Variants in CD6 observed in about 807,000 individuals in gnomAD.
CD6 encodes the protein T-cell differentiation antigen CD6.
In CD6, 53 loss-of-function variants were observed where a neutral mutation model predicts 75.3. That is an observed-to-expected ratio of 0.70 (90% CI 0.56 to 0.88). The LOEUF is 0.88. Among genes scored for constraint, CD6 ranks in the 40% least tolerant of loss-of-function variants. The probability of loss-of-function intolerance (pLI) is 0.00; values close to 1 mark genes in which losing one functional copy is unlikely to be tolerated. For missense variants in CD6, 770 were observed against 897.1 expected (o/e 0.86, Z 1.81); for synonymous variants, 359 against 381.5 (o/e 0.94, Z 0.69).
intron 1 of CD6, among the ~76,000 whole-genome samples, chr11:60,987,732 T>C (rs1032682081): frequency 6.0e-5 from 3 of 49,630 alleles, no homozygotes; most frequent in Non-Finnish European, 1.9e-4. Context: ...CATCGATTTC[T>C]TACCCCTGAG....
chr11:60,973,145 C>T (rs1381570456), intron 1 of CD6, among the ~76,000 whole-genome samples: 2 of 152,230 alleles, frequency 1.3e-5, no homozygotes, highest in Admixed American at 6.5e-5. Flanking sequence ...TTTCCCCAAC[C>T]CAGGGCTTCA....
intron 5 of CD6, among the ~76,000 whole-genome samples, chr11:61,010,479 G>A (rs1184369882): frequency 1.3e-5 from 2 of 152,244 alleles, no homozygotes; most frequent in Non-Finnish European, 2.9e-5. Context: ...AAAAACGTGA[G>A]TGTTAGATAG....
intron 1 of CD6, among the ~76,000 whole-genome samples, chr11:61,002,221 A>G (rs1858619100): frequency 1.3e-5 from 2 of 152,192 alleles, no homozygotes; most frequent in Admixed American, 6.5e-5. Context: ...TCCCCTGTGA[A>G]TGGGCATTCA....
chr11:60,998,849 GAA>G (rs56391909), intron 1 of CD6, among the ~76,000 whole-genome samples: 50,192 of 129,340 alleles, frequency 0.39, 8,927 homozygotes, highest in Middle Eastern at 0.54. Context: ...ACACAAGGCA[GAA>G]AAAAAAAAAA....
At chr11:60,972,468 A>T (rs1590658117) in intron 1 of CD6, among the ~76,000 whole-genome samples, 2 of 152,168 alleles carry the variant, frequency 1.3e-5, no homozygotes, top group East Asian at 3.9e-4. Flanking sequence ...CATGAAGGCC[A>T]CCCCCACGTC....
rs1406024625 is a variant in CD6, at chr11:61,009,708, G to A, written c.918G>A (p.Leu306=). ...AGGCCAAGGTGCTCTGCCAGTCCTT[G>A]GGCTGTGGAACTGCGGTTGAGAGGC... ...PSEAKVLCQS[L]GCGTAVERPK... Residue 306 remains leucine, a synonymous_variant, in exon 5 of 13, where the codon TTG becomes TTA. Coordinates refer to ENST00000313421, the MANE Select transcript of CD6 (RefSeq NM_006725.5). 1.9e-5 allele frequency: 31 copies of A among 1,613,998 alleles called. No individual in the cohort carries two copies. Among genetic ancestry groups the A allele is most frequent in the Non-Finnish European group, 2.5e-5 (29 of 1,180,030 alleles).
At chr11:61,004,741 G>A (rs1227017482) in intron 1 of CD6, 1 of 152,284 alleles carries the variant, frequency 6.6e-6, no homozygotes, top group Non-Finnish European at 1.5e-5. Context: ...AAATCTTCAT[G>A]GTTTAACATG....
chr11:61,005,126 C>T (rs1009207485), intron 1 of CD6, among the ~76,000 whole-genome samples: 1 of 152,166 alleles, frequency 6.6e-6, no homozygotes, highest in East Asian at 1.9e-4. Flanking sequence ...CTCAGGCCCA[C>T]GCATCAGTTG....
At chr11:61,012,570 C>A (rs1859203129) in intron 6 of CD6, among the ~76,000 whole-genome samples, 2 of 152,176 alleles carry the variant, frequency 1.3e-5, no homozygotes, top group Admixed American at 1.3e-4. Flanking sequence ...CTGCCCCCAG[C>A]AAAGAGGTCT....
At chr11:61,005,279 G>A (rs1341484294) in intron 1 of CD6, among the ~76,000 whole-genome samples, 2 of 152,238 alleles carry the variant, frequency 1.3e-5, no homozygotes, top group African/African-American at 2.4e-5. Context: ...CAGTGAGTCC[G>A]AGTAGGAGAC....
At chr11:60,995,526 A>G (rs1050545825) in intron 1 of CD6, among the ~76,000 whole-genome samples, 7 of 152,178 alleles carry the variant, frequency 4.6e-5, no homozygotes, top group African/African-American at 1.4e-4. Flanking sequence ...TAACAATACC[A>G]AGGGCATTTC....
intron 1 of CD6, among the ~76,000 whole-genome samples, chr11:60,993,801 G>A (rs1411602381): frequency 6.6e-6 from 1 of 151,976 alleles, no homozygotes; most frequent in Non-Finnish European, 1.5e-5. Context: ...TATCATACCT[G>A]CCCCAGTTCC....
At position 61,012,827 on chromosome 11, in the gene CD6, G is replaced by T. The variant is rs545722159; in HGVS notation, c.1151-596G>T. 1.2e-3 allele frequency among the ~76,000 whole-genome samples: 178 copies of T among 152,320 alleles called. 1 individual carries two copies. Among genetic ancestry groups the T allele is most frequent in the African/African-American group, 3.8e-3 (157 of 41,574 alleles). ...GGAGGGGATGTCTGGTGGGAAGGAG[G>T]GGGGACTCAGGCACAGCTCTTCTGA... On this transcript the variant is annotated intron_variant, in intron 6 of 12. Coordinates refer to ENST00000313421, the MANE Select transcript of CD6 (RefSeq NM_006725.5).
Position 61,011,178 on chromosome 11 carries a change from C to CGTAT in CD6, c.1150+45_1150+46insATGT, listed in dbSNP as rs1859127875. 2.9e-5 allele frequency: 26 copies of CGTAT among 898,668 alleles called. No homozygotes were observed. In the South Asian group the frequency reaches 3.5e-4, roughly 12 times the overall value. The allele number at this position is 898,668 out of a possible 1,614,324, so 55.7% of individuals were successfully genotyped here. A position where few individuals can be genotyped will look rare whatever the true frequency, so the allele number is the denominator to read the frequency against. ...CTACGCGGTTTCTCAGAAGCTTGGA[C>CGTAT]GTGTGTGTGTGTGTGTGTGTGTGTG... On this transcript the variant is annotated intron_variant, in intron 6 of 12. Transcript: ENST00000313421.
chr11:60,985,431 C>G (rs181283687), intron 1 of CD6, among the ~76,000 whole-genome samples: 2 of 151,926 alleles, frequency 1.3e-5, no homozygotes, highest in Non-Finnish European at 2.9e-5. Flanking sequence ...GTGATCTGCC[C>G]GTCTCAGCCT....
In CD6 at chr11:61,018,127, T is replaced by C. The variant is rs973395849; in HGVS notation, c.1837+114T>C. ...AGGATTCTACCCAGTTCCGCAGCCA[T>C]TCGCTGTGTGCCCTTGGACACATCT... On this transcript the variant is annotated intron_variant, in intron 11 of 12. Transcript: ENST00000313421. The C allele has an allele frequency of 6.5e-6, 9 of 1,394,426 alleles. No individual in the cohort carries two copies. The African/African-American group carries it at 1.3e-4, about 20-fold the overall frequency. The allele number at this position is 1,394,426 out of a possible 1,614,324, so 86.4% of individuals were successfully genotyped here.
rs1166302186 is a variant in CD6 at position 61,018,291 on chromosome 11, G to A, written c.1840G>A (p.Gly614Arg). 2 of 1,596,950 alleles carry A rather than the reference G, an allele frequency of 1.3e-6. No individual in the cohort carries two copies. The highest frequency in any genetic ancestry group is 4.5e-5 in the East Asian group (2 of 44,190). Residue 614 changes from glycine (G) to arginine (R), a missense_variant and splice_region_variant, in exon 12 of 13, where the codon GGG (glycine) becomes AGG (arginine). Physicochemically the swap from Gly to Arg is moderately radical, Grantham distance 125 (BLOSUM62 -2). Coordinates refer to ENST00000313421, the MANE Select transcript of CD6 (RefSeq NM_006725.5). ...TGACTGGTTCTGGGGGTTTCCAGCA[G>A]GGCCCCCGGCTGATGACAGCTCCAG... Reference protein sequence around the residue: ...LAGTQPAFSAGPPADDSSSTS... With the variant: ...LAGTQPAFSARPPADDSSSTS...
intron 1 of CD6, among the ~76,000 whole-genome samples, chr11:61,002,232 C>T (rs1393609942): frequency 6.6e-6 from 1 of 152,164 alleles, no homozygotes; most frequent in Non-Finnish European, 1.5e-5. Context: ...TGGGCATTCA[C>T]TCTGTTTCTA....
intron 1 of CD6, among the ~76,000 whole-genome samples, chr11:60,996,018 G>A (rs1381031477): frequency 1.3e-5 from 2 of 152,168 alleles, no homozygotes; most frequent in African/African-American, 4.8e-5. Context: ...CAGAAATCAG[G>A]ATGTTGGATT....
Sources: gnomAD v4.1 joint callset for allele counts (sites outside exome capture counted in the v4.1 genomes callset) on GRCh38, gnomAD v4.1.1 for gene constraint, MANE v1.5 for transcripts, NCBI Gene and HGNC (gene_info 2026-07-23, HGNC 2026-07-21) for gene names.